The following ABHD17C variants were observed in gnomAD, a reference collection of about 807,000 sequenced individuals.
The protein encoded by ABHD17C is alpha/beta hydrolase domain-containing protein 17C.
In ABHD17C, 11 loss-of-function variants were observed where a neutral mutation model predicts 27.9. That is an observed-to-expected ratio of 0.39 (90% confidence interval 0.25 to 0.65). ABHD17C has a LOEUF of 0.65. Ranked by LOEUF, ABHD17C falls within the 30% of genes least tolerant of loss-of-function variation. The pLI is 0.45. For missense variants in ABHD17C, 280 were observed against 470.2 expected, an observed-to-expected ratio of 0.60 and a Z score of 3.74; for synonymous variants, 233 against 209.1, an observed-to-expected ratio of 1.11 and a Z score of -0.98.
intron 1 of ABHD17C, among the ~76,000 whole-genome samples, chr15:80,719,928 G>A (rs1894868317): frequency 6.6e-6 from 1 of 152,126 alleles, no homozygotes; most frequent in Non-Finnish European, 1.5e-5. Flanking sequence ...CTTCTAAGTA[G>A]CTGAGACTAC....
chr15:80,699,223 A>C (rs181420692), intron 1 of ABHD17C, among the ~76,000 whole-genome samples: 173 of 152,322 alleles, frequency 1.1e-3, no homozygotes, highest in African/African-American at 3.8e-3. Flanking sequence ...CAGGGACACT[A>C]TGTCTTCTCT....
At position 80,728,831 on chromosome 15, in the gene ABHD17C, G is replaced by A. The variant is rs116462193; in HGVS notation, c.591-20682G>A. On this transcript the variant is annotated intron_variant, in intron 1 of 2. Transcript: ENST00000258884. ...TCACTATGTTGTCCAGGCTGGTCTC[G>A]AACTCCTTCGTTCAAGGGATCCTCC... Among the ~76,000 whole-genome samples, 635 of 152,198 alleles carry A rather than the reference G, an allele frequency of 4.2e-3. 2 individuals are homozygous for A. Among genetic ancestry groups the A allele is most frequent in the African/African-American group, 0.015 (613 of 41,536 alleles).
intron 2 of ABHD17C, among the ~76,000 whole-genome samples, chr15:80,751,747 C>G (rs1469414252): frequency 2.0e-5 from 3 of 152,296 alleles, no homozygotes; most frequent in African/African-American, 4.8e-5. Flanking sequence ...GAGCAAGACC[C>G]TGTCTCTTAA....
chr15:80,705,333 T>TTTGTGTGTGTGTGTGTGTGTGTGTGTGTG lies in ABHD17C; in HGVS notation c.590+9315_590+9316insTGTGTGTGTGTGTGTGTGTGTGTGTGTGT, dbSNP rs10523879. 3.8e-3 allele frequency among the ~76,000 whole-genome samples: 403 copies of TTTGTGTGTGTGTGTGTGTGTGTGTGTGTG among 106,866 alleles called. 5 individuals carry two copies. Among genetic ancestry groups the TTTGTGTGTGTGTGTGTGTGTGTGTGTGTG allele is most frequent in the South Asian group, 4.6e-3 (13 of 2,834 alleles). 70.1% of individuals were successfully genotyped at this position (106,866 alleles called of 152,430 possible). On this transcript the variant is annotated intron_variant, in intron 1 of 2. Coordinates refer to ENST00000258884, the MANE Select transcript of ABHD17C (RefSeq NM_021214.2). The stretch of plus-strand genomic sequence containing the variant: ...CCTGCAGTTCTGAGCTTCCTATGAT[T>TTTGTGTGTGTGTGTGTGTGTGTGTGTGTG]TGTGTGTGTGTGTGTGTGTGTGTGT...
chr15:80,707,792 G>C (rs1051661995), intron 1 of ABHD17C, among the ~76,000 whole-genome samples: 4 of 152,068 alleles, frequency 2.6e-5, no homozygotes, highest in Non-Finnish European at 5.9e-5. Context: ...CTACAGCTCG[G>C]CGTGTCAAAG....
At chr15:80,700,332 C>T (rs940801002) in intron 1 of ABHD17C, among the ~76,000 whole-genome samples, 4 of 152,140 alleles carry the variant, frequency 2.6e-5, no homozygotes, top group Admixed American at 6.5e-5. Context: ...TCTGGAGGAA[C>T]AGGAGAGTGG....
intron 2 of ABHD17C, 120 bp downstream of exon 2, chr15:80,749,812 G>A (rs1177462872): frequency 3.4e-6 from 4 of 1,179,630 alleles, no homozygotes; most frequent in Non-Finnish European, 3.6e-6. Flanking sequence ...ACCCTGTGCT[G>A]GGTGCCACAG....
At chr15:80,749,908 G>A (rs533613614) in intron 2 of ABHD17C, among the ~76,000 whole-genome samples, 93 of 152,342 alleles carry the variant, frequency 6.1e-4, no homozygotes, top group African/African-American at 2.1e-3. Context: ...CCCAGATGAT[G>A]TATAAGGACC....
At chr15:80,703,150 C>G (rs1461305777) in intron 1 of ABHD17C, 2 of 152,292 alleles carry the variant, frequency 1.3e-5, no homozygotes, top group East Asian at 1.9e-4. Context: ...GGCTCTTGCT[C>G]AAAGCTTTCC....
intron 1 of ABHD17C, among the ~76,000 whole-genome samples, chr15:80,737,212 C>A (rs1190265705): frequency 2.6e-5 from 4 of 152,186 alleles, no homozygotes; most frequent in African/African-American, 7.2e-5. Context: ...AGGGCTGTGG[C>A]TTCCCCCGGT....
At chr15:80,718,438 T>G (rs1329565742) in intron 1 of ABHD17C, among the ~76,000 whole-genome samples, 1 of 152,190 alleles carries the variant, frequency 6.6e-6, no homozygotes, top group Non-Finnish European at 1.5e-5. Context: ...GTTCAAGTGA[T>G]TCTCCTGCCT....
intron 1 of ABHD17C, among the ~76,000 whole-genome samples, chr15:80,735,461 G>A (rs1451657138): frequency 1.3e-5 from 2 of 151,994 alleles, no homozygotes; most frequent in African/African-American, 2.4e-5. Context: ...TTCCCACCCA[G>A]CACCCTCCTT....
intron 1 of ABHD17C, among the ~76,000 whole-genome samples, chr15:80,703,977 G>A (rs1894609044): frequency 6.6e-6 from 1 of 152,134 alleles, no homozygotes; most frequent in Non-Finnish European, 1.5e-5. Flanking sequence ...TAATAAAATA[G>A]AACAATTGTG....
intron 1 of ABHD17C, among the ~76,000 whole-genome samples, chr15:80,737,605 C>T (rs557626467): frequency 9.2e-5 from 14 of 152,246 alleles, no homozygotes; most frequent in African/African-American, 2.6e-4. Flanking sequence ...GGGCATGCCA[C>T]GGTGCAGTTA....
intron 1 of ABHD17C, among the ~76,000 whole-genome samples, chr15:80,727,294 A>G (rs980126293): frequency 6.6e-6 from 1 of 152,178 alleles, no homozygotes; most frequent in Non-Finnish European, 1.5e-5. Context: ...CAGCCAGTGG[A>G]GAGGGCGTGT....
intron 1 of ABHD17C, among the ~76,000 whole-genome samples, chr15:80,715,129 T>TC (rs940479983): frequency 8.5e-5 from 13 of 152,142 alleles, no homozygotes; most frequent in Admixed American, 5.2e-4. Flanking sequence ...CTAGAGAGGT[T>TC]CCCCCCCATG....
intron 1 of ABHD17C, among the ~76,000 whole-genome samples, chr15:80,707,968 T>A (rs779554386): frequency 3.3e-5 from 5 of 152,208 alleles, no homozygotes; most frequent in Non-Finnish European, 4.4e-5. Context: ...TCCCTGAAGC[T>A]CAGTGGGAGC....
At chr15:80,697,967 A>G (rs1894516316) in intron 1 of ABHD17C, among the ~76,000 whole-genome samples, 1 of 152,134 alleles carries the variant, frequency 6.6e-6, no homozygotes, top group Non-Finnish European at 1.5e-5. Flanking sequence ...AAGCACACAT[A>G]CACGTCTGTA....
chr15:80,732,676 A>G (rs187034377), intron 1 of ABHD17C, among the ~76,000 whole-genome samples: 1 of 152,364 alleles, frequency 6.6e-6, no homozygotes, highest in East Asian at 1.9e-4. Context: ...CCAGGAGAAC[A>G]GAACTGAAGA....
Sources: gnomAD v4.1 joint callset for allele counts (sites outside exome capture counted in the v4.1 genomes callset) on GRCh38, gnomAD v4.1.1 for gene constraint, MANE v1.5 for transcripts, NCBI Gene and HGNC (gene_info 2026-07-23, HGNC 2026-07-21) for gene names.